The following CNTN5 variants were observed in gnomAD, a reference collection of about 807,000 sequenced individuals.
CNTN5 encodes contactin-5.
A neutral mutation model predicts 129.1 loss-of-function variants in CNTN5; 77 were observed. That is an observed-to-expected ratio of 0.60 (90% confidence interval 0.50 to 0.72). CNTN5 has a LOEUF of 0.72. Among genes scored for constraint, CNTN5 ranks in the 30% least tolerant of loss-of-function variants. CNTN5 has a pLI of 0.00. For missense variants in CNTN5, 1,478 were observed against 1,328.8 expected, an observed-to-expected ratio of 1.11 and a Z score of -1.75; for synonymous variants, 509 against 465.6, an observed-to-expected ratio of 1.09 and a Z score of -1.20.
chr11:99,760,507 A>G (rs1357628648), intron 3 of CNTN5, among the ~76,000 whole-genome samples: 1 of 152,152 alleles, frequency 6.6e-6, no homozygotes, highest in African/African-American at 2.4e-5. Flanking sequence ...TTGTTACGTT[A>G]TACATTCATG....
rs531354863 is a variant in CNTN5 at position 100,347,685 on chromosome 11, A to ACTG, written c.3031-3016_3031-3014dup. Among the ~76,000 whole-genome samples, 12 of 152,192 alleles carry ACTG rather than the reference A, an allele frequency of 7.9e-5. No homozygotes were observed. In the East Asian group the frequency reaches 2.1e-3, roughly 27 times the overall value. On this transcript the variant is annotated intron_variant, in intron 23 of 24. Coordinates refer to ENST00000524871, the MANE Select transcript of CNTN5 (RefSeq NM_014361.4). ...CTGCAGGCAGTGAATTCTCACTGAT[A>ACTG]CTGTGTCTCCCAACTTCTATTCATC...
rs553334881 is a variant in CNTN5, at chr11:99,082,769, T to C, written c.-210+61499T>C. Among the ~76,000 whole-genome samples the C allele has an allele frequency of 2.0e-5, 3 of 152,296 alleles. No homozygotes were observed. In the South Asian group the frequency reaches 6.2e-4, roughly 32 times the overall value. On this transcript the variant is annotated intron_variant, in intron 1 of 24. Transcript: ENST00000524871. ...TCTAAATTATTACATAAATATAGGG[T>C]AGATATATCTCCATTAAAATGTTTC... is the stretch of plus-strand genomic sequence containing the variant.
intron 2 of CNTN5, among the ~76,000 whole-genome samples, chr11:99,372,527 A>C (rs1344991060): frequency 2.6e-5 from 4 of 152,112 alleles, no homozygotes; most frequent in Non-Finnish European, 2.9e-5. Flanking sequence ...CCTCTTGGAG[A>C]GGGGAAAATC....
chr11:99,282,277 T>C (rs892363597), intron 1 of CNTN5, among the ~76,000 whole-genome samples: 1 of 152,032 alleles, frequency 6.6e-6, no homozygotes, highest in African/African-American at 2.4e-5. Context: ...TAAGCTATTA[T>C]GACAGAGAAA....
At chr11:99,554,955 G>A (rs1003758710) in intron 2 of CNTN5, among the ~76,000 whole-genome samples, 1 of 151,710 alleles carries the variant, frequency 6.6e-6, no homozygotes. Context: ...CTTTTGTTTA[G>A]GCTTGTTATA....
intron 6 of CNTN5, among the ~76,000 whole-genome samples, chr11:99,846,398 T>G (rs1947700720): frequency 6.7e-6 from 1 of 148,234 alleles, no homozygotes; most frequent in Non-Finnish European, 1.5e-5. Flanking sequence ...GTATATATAA[T>G]TAACTAAATA....
At chr11:99,301,149 A>G (rs1373043832) in intron 1 of CNTN5, among the ~76,000 whole-genome samples, 43 of 151,830 alleles carry the variant, frequency 2.8e-4, no homozygotes, top group Admixed American at 2.8e-3. Context: ...CACTGGAAGT[A>G]TATATTTGAC....
intron 1 of CNTN5, among the ~76,000 whole-genome samples, chr11:99,307,847 C>T (rs1188222919): frequency 2.0e-5 from 3 of 152,116 alleles, no homozygotes; most frequent in Non-Finnish European, 4.4e-5. Context: ...AATATTTTCA[C>T]GCAGTTTTCA....
At chr11:99,256,388 C>A (rs984059184) in intron 1 of CNTN5, among the ~76,000 whole-genome samples, 1 of 151,882 alleles carries the variant, frequency 6.6e-6, no homozygotes, top group East Asian at 1.9e-4. Context: ...GATAGAACTG[C>A]CAAAAGCCAT....
At chr11:99,432,646 C>T (rs973770865) in intron 2 of CNTN5, among the ~76,000 whole-genome samples, 4 of 151,340 alleles carry the variant, frequency 2.6e-5, no homozygotes, top group African/African-American at 9.7e-5. Flanking sequence ...CAAGTGAGAG[C>T]GAAAAGCTGC....
chr11:100,221,067 A>G (rs1240276217), intron 15 of CNTN5, among the ~76,000 whole-genome samples: 1 of 152,208 alleles, frequency 6.6e-6, no homozygotes, highest in East Asian at 1.9e-4. Flanking sequence ...ATTCAGAGAC[A>G]TGAACAAAGT....
At chr11:100,166,191 A>G (rs1201401747) in intron 13 of CNTN5, among the ~76,000 whole-genome samples, 5 of 151,724 alleles carry the variant, frequency 3.3e-5, no homozygotes, top group Non-Finnish European at 5.9e-5. Context: ...TTGGAGTGAA[A>G]AATACATTTT....
At position 100,005,423 on chromosome 11, in the gene CNTN5, C is replaced by T. The variant is rs140178930; in HGVS notation, c.980+3287C>T. 5.8e-3 allele frequency among the ~76,000 whole-genome samples: 876 copies of T among 152,176 alleles called. 10 individuals are homozygous for T. The highest frequency in any genetic ancestry group is 0.02 in the African/African-American group (838 of 41,524). On this transcript the variant is annotated intron_variant, in intron 9 of 24. Coordinates refer to ENST00000524871, the MANE Select transcript of CNTN5 (RefSeq NM_014361.4). ...TTTATCTTTGTTAACTTAGACCTAC[C>T]ATTCTCCAACTCTCTTTTTTATTTT... is the stretch of plus-strand genomic sequence containing the variant.
At chr11:100,285,998 C>A (rs535237728) in intron 18 of CNTN5, among the ~76,000 whole-genome samples, 1 of 151,536 alleles carries the variant, frequency 6.6e-6, no homozygotes, top group Non-Finnish European at 1.5e-5. Context: ...GGGTGACAGA[C>A]GCACCTGGAA....
At chr11:99,600,593 G>A (rs1435672831) in intron 3 of CNTN5, among the ~76,000 whole-genome samples, 1 of 152,046 alleles carries the variant, frequency 6.6e-6, no homozygotes, top group Non-Finnish European at 1.5e-5. Flanking sequence ...ATAAGTGTTG[G>A]ACTCCGGAGG....
chr11:99,556,817 C>A (rs910446420), intron 3 of CNTN5, among the ~76,000 whole-genome samples: 14 of 150,582 alleles, frequency 9.3e-5, no homozygotes, highest in African/African-American at 3.4e-4. Flanking sequence ...CCTTCTCTGA[C>A]TTTGTTGTAA....
intron 2 of CNTN5, among the ~76,000 whole-genome samples, chr11:99,346,801 C>A (rs59634769): frequency 2.6e-5 from 4 of 152,068 alleles, no homozygotes; most frequent in Non-Finnish European, 5.9e-5. Context: ...GACACAAGCT[C>A]GCTCTCTCCT....
At chr11:99,594,013 T>C (rs1444644237) in intron 3 of CNTN5, among the ~76,000 whole-genome samples, 3 of 152,196 alleles carry the variant, frequency 2.0e-5, no homozygotes, top group Non-Finnish European at 4.4e-5. Context: ...CTCTTTAGAA[T>C]TGGTGCATTT....
chr11:100,333,564 C>T (rs1046608955), intron 21 of CNTN5, among the ~76,000 whole-genome samples: 2 of 152,102 alleles, frequency 1.3e-5, no homozygotes, highest in African/African-American at 4.8e-5. Flanking sequence ...ACCAAAACAG[C>T]ATGGTACTGA....
Sources: allele counts gnomAD v4.1 joint callset (sites outside exome capture counted in the v4.1 genomes callset), GRCh38; gene constraint gnomAD v4.1.1; transcripts MANE v1.5; gene names NCBI Gene and HGNC (gene_info 2026-07-23, HGNC 2026-07-21).